The following ANTXR2 variants were observed in gnomAD, a reference collection of about 807,000 sequenced individuals.
ANTXR2 encodes the protein anthrax toxin receptor 2.
ANTXR2 carries 44 observed loss-of-function variants against 73.7 expected under a neutral mutation model. The observed-to-expected ratio is 0.60, with a 90% CI of 0.47 to 0.77. ANTXR2 has a LOEUF of 0.77. Ranked by LOEUF, ANTXR2 falls within the 30% of genes least tolerant of loss-of-function variation. The probability of loss-of-function intolerance (pLI) is 0.00; values close to 1 mark genes in which losing one functional copy is unlikely to be tolerated. For missense variants in ANTXR2, 604 were observed against 592.5 expected (o/e 1.02, Z -0.20); for synonymous variants, 217 against 205.9 (o/e 1.05, Z -0.46).
chr4:79,989,348 A>C (rs982229532), intron 12 of ANTXR2, among the ~76,000 whole-genome samples: 1 of 152,054 alleles, frequency 6.6e-6, no homozygotes, highest in East Asian at 1.9e-4. Flanking sequence ...CTAAAACACT[A>C]TTAGGAATAC....
At chr4:80,024,029 C>A (rs1217015692) in intron 10 of ANTXR2, among the ~76,000 whole-genome samples, 3 of 152,128 alleles carry the variant, frequency 2.0e-5, no homozygotes, top group Non-Finnish European at 2.9e-5. Flanking sequence ...TTAAGAAAGT[C>A]TCAGTGTACT....
At chr4:79,986,185 C>T (rs1457430714) in intron 12 of ANTXR2, among the ~76,000 whole-genome samples, 2 of 152,280 alleles carry the variant, frequency 1.3e-5, no homozygotes, top group East Asian at 3.9e-4. Context: ...TGGATATTCA[C>T]ACCATCGTGA....
At chr4:80,043,835 A>G (rs1733394029) in intron 7 of ANTXR2, among the ~76,000 whole-genome samples, 1 of 151,948 alleles carries the variant, frequency 6.6e-6, no homozygotes, top group Non-Finnish European at 1.5e-5. Context: ...TCTGAAGCCC[A>G]ACTTGAATGA....
intron 12 of ANTXR2, among the ~76,000 whole-genome samples, chr4:79,986,708 G>A (rs192968415): frequency 3.9e-5 from 6 of 152,168 alleles, no homozygotes; most frequent in East Asian, 1.9e-4. Context: ...GTGGCACCCT[G>A]CCCCCACAAC....
chr4:80,057,973 G>A (rs780498339), intron 3 of ANTXR2, among the ~76,000 whole-genome samples: 14 of 152,006 alleles, frequency 9.2e-5, no homozygotes, highest in South Asian at 2.1e-4. Context: ...AAATATTTAC[G>A]TTTGATAGCT....
intron 12 of ANTXR2, among the ~76,000 whole-genome samples, chr4:79,999,157 AT>A (rs757808042): frequency 3.9e-5 from 6 of 151,906 alleles, no homozygotes; most frequent in Non-Finnish European, 8.8e-5. Flanking sequence ...GCCCCTTGAT[AT>A]GGTTTGGCTC....
intron 10 of ANTXR2, among the ~76,000 whole-genome samples, chr4:80,027,976 C>T (rs1238826925): frequency 2.6e-5 from 4 of 152,048 alleles, no homozygotes; most frequent in Non-Finnish European, 5.9e-5. Context: ...ACAAAGGAAC[C>T]ACTTTTAGAA....
chr4:80,003,053 A>G (rs12510805), intron 12 of ANTXR2, among the ~76,000 whole-genome samples: 70,078 of 147,580 alleles, frequency 0.47, 19,262 homozygotes, highest in East Asian at 0.93. Flanking sequence ...CAGCCATCCC[A>G]TTACTGGGTA....
rs753101338 is a variant in ANTXR2 at position 80,008,559 on chromosome 4, C to T, written c.1003G>A (p.Gly335Ser). ...AGGGGCCAAAACCACCACATCAAAC[C>T]GATCCCCAGGAGTAGCAGTAACACC... is the stretch of plus-strand genomic sequence containing the variant. The part of the protein sequence containing the change: ...ILVLLLLLGI[G>S]LMWWFWPLCC... Residue 335 changes from glycine (G) to serine (S), a missense_variant, in exon 12 of 17, where the codon GGT becomes AGT. Physicochemically the swap from Gly to Ser is moderately conservative, Grantham distance 56 (BLOSUM62 0). Transcript: ENST00000403729. The T allele has an allele frequency of 1.2e-5, 19 of 1,608,446 alleles. No homozygotes were observed. Among genetic ancestry groups the T allele is most frequent in the African/African-American group, 4.0e-5 (3 of 74,726 alleles).
chr4:80,053,631 G>T (rs369259853), intron 7 of ANTXR2, among the ~76,000 whole-genome samples: 3 of 151,670 alleles, frequency 2.0e-5, no homozygotes, highest in East Asian at 3.9e-4. Context: ...CCCAGTGCTT[G>T]TAGCAAAAGG....
chr4:80,072,370 C>A (rs745533850), intron 1 of ANTXR2, 39 bp downstream of exon 1: 32 of 1,543,282 alleles, frequency 2.1e-5, no homozygotes, highest in African/African-American at 2.8e-5. Context: ...TCCAGTGCCG[C>A]CCTCACCAGG....
At chr4:79,980,421 A>G (rs953095014) in intron 14 of ANTXR2, among the ~76,000 whole-genome samples, 4 of 152,220 alleles carry the variant, frequency 2.6e-5, no homozygotes, top group African/African-American at 9.6e-5. Context: ...AAAGGACAAA[A>G]GAATAACAAC....
chr4:79,921,396 T>A (rs1388025046), intron 16 of ANTXR2, among the ~76,000 whole-genome samples: 2 of 152,152 alleles, frequency 1.3e-5, no homozygotes, highest in East Asian at 3.9e-4. Context: ...CAATGTATAC[T>A]GTCCTAGTCA....
chr4:80,034,156 G>A (rs1490457158), intron 8 of ANTXR2, among the ~76,000 whole-genome samples: 1 of 151,740 alleles, frequency 6.6e-6, no homozygotes, highest in African/African-American at 2.4e-5. Context: ...ACTAATAATC[G>A]ATGGCCAGTC....
In ANTXR2 at chr4:80,064,451, C is replaced by T. The variant is rs556771596; in HGVS notation, c.296+4985G>A. Among the ~76,000 whole-genome samples the T allele has an allele frequency of 9.7e-4, 147 of 152,320 alleles. 1 individual carries two copies. Among genetic ancestry groups the T allele is most frequent in the African/African-American group, 3.4e-3 (141 of 41,572 alleles). ...TATTTATTGAGCATCTACTGAGCAT[C>T]AGGCTCTGTTCTAGGTGTTGGGATA... On this transcript the variant is annotated intron_variant, in intron 3 of 16. Coordinates refer to ENST00000403729, the MANE Select transcript of ANTXR2 (RefSeq NM_058172.6).
intron 16 of ANTXR2, among the ~76,000 whole-genome samples, chr4:79,925,035 A>G (rs777834200): frequency 6.6e-6 from 1 of 152,134 alleles, no homozygotes; most frequent in South Asian, 2.1e-4. Context: ...TTAAATGTGA[A>G]AGATCGGTCA....
chr4:80,049,360 T>G (rs554147912), intron 7 of ANTXR2, among the ~76,000 whole-genome samples: 15 of 151,916 alleles, frequency 9.9e-5, no homozygotes, highest in African/African-American at 3.6e-4. Context: ...AATTTCATTT[T>G]CAAATATAAG....
chr4:79,988,229 TTATATATATATATATATATA>T (rs70944756), intron 12 of ANTXR2, among the ~76,000 whole-genome samples: 3,396 of 68,194 alleles, frequency 0.05, 86 homozygotes, highest in Non-Finnish European at 0.059. Context: ...CACATAAATT[TTATATATATATATATATATA>T]TATATATATA....
intron 7 of ANTXR2, among the ~76,000 whole-genome samples, chr4:80,051,601 A>AT (rs1399327386): frequency 1.3e-5 from 2 of 151,748 alleles, no homozygotes; most frequent in African/African-American, 4.8e-5. Context: ...CTGGATAGAA[A>AT]TCTAAAAATA....
Sources: allele counts gnomAD v4.1 joint callset (sites outside exome capture counted in the v4.1 genomes callset), GRCh38; gene constraint gnomAD v4.1.1; transcripts MANE v1.5; gene names NCBI Gene and HGNC (gene_info 2026-07-23, HGNC 2026-07-21).